ASTN1: variants seen among roughly 807,000 people sequenced by gnomAD.
ASTN1 encodes the protein astrotactin-1.
A neutral mutation model predicts 140.7 loss-of-function variants in ASTN1; 41 were observed. That is an observed-to-expected ratio of 0.29 (90% CI 0.23 to 0.38). ASTN1 has a LOEUF of 0.38. Ranked by LOEUF, ASTN1 falls within the 10% of genes least tolerant of loss-of-function variation. The probability of loss-of-function intolerance (pLI) is 1.00; values close to 1 mark genes in which losing one functional copy is unlikely to be tolerated. For synonymous variants in ASTN1, 640 were observed against 652.2 expected, an observed-to-expected ratio of 0.98 and a Z score of 0.29; for missense variants, 1,479 against 1,678.8, an observed-to-expected ratio of 0.88 and a Z score of 2.08.
At chr1:176,970,487 C>T (rs1407260622) in intron 8 of ASTN1, among the ~76,000 whole-genome samples, 2 of 152,072 alleles carry the variant, frequency 1.3e-5, no homozygotes, top group East Asian at 3.9e-4. Context: ...AAGCTGTTGG[C>T]CAGCATGTCT....
chr1:176,882,756 G>A, intron 20 of ASTN1, 103 bp downstream of exon 20: 3 of 1,469,146 alleles, frequency 2.0e-6, no homozygotes, highest in Non-Finnish European at 2.8e-6. Context: ...GACTCAACAT[G>A]TTTTGCTGAG....
At chr1:176,883,568 G>C (rs916020351) in intron 19 of ASTN1, among the ~76,000 whole-genome samples, 1 of 152,196 alleles carries the variant, frequency 6.6e-6, no homozygotes, top group Non-Finnish European at 1.5e-5. Flanking sequence ...CCGTACCTCA[G>C]CAATACCTGT....
intron 11 of ASTN1, among the ~76,000 whole-genome samples, chr1:176,957,224 C>T (rs1672445253): frequency 6.6e-6 from 1 of 152,022 alleles, no homozygotes; most frequent in South Asian, 2.1e-4. Flanking sequence ...GGGCTGATAA[C>T]GAAGTACTTT....
chr1:176,869,139 GTAGATCA>G, intron 21 of ASTN1, 112 bp from the exon 22 acceptor site: 2 of 706,076 alleles, frequency 2.8e-6, no homozygotes, highest in Non-Finnish European at 4.1e-6. Flanking sequence ...ATAAACATAT[GTAGATCA>G]TTTATAATGT....
intron 7 of ASTN1, among the ~76,000 whole-genome samples, chr1:177,015,716 T>C (rs779004762): frequency 6.6e-6 from 1 of 152,074 alleles, no homozygotes; most frequent in Non-Finnish European, 1.5e-5. Context: ...TGAGGCAGGG[T>C]CCCATAACAT....
chr1:177,077,547 T>G (rs973303398), intron 1 of ASTN1, among the ~76,000 whole-genome samples: 4 of 152,228 alleles, frequency 2.6e-5, no homozygotes, highest in African/African-American at 7.2e-5. Context: ...AAGCTCTAAA[T>G]TCAGTGTCTC....
intron 1 of ASTN1, among the ~76,000 whole-genome samples, chr1:177,107,390 G>A (rs1251739238): frequency 1.3e-5 from 2 of 152,178 alleles, no homozygotes; most frequent in Non-Finnish European, 2.9e-5. Context: ...GATAAATGTG[G>A]TGGCACCAAA....
intron 16 of ASTN1, 104 bp from the exon 17 acceptor site, chr1:176,894,934 A>C (rs1571471485): frequency 8.9e-5 from 132 of 1,476,034 alleles, no homozygotes; most frequent in African/African-American, 1.4e-5. Flanking sequence ...GGGATCAGAA[A>C]CAGCCACTGA....
chr1:177,008,338 T>C (rs972290869), intron 8 of ASTN1, among the ~76,000 whole-genome samples: 2 of 151,508 alleles, frequency 1.3e-5, no homozygotes, highest in Admixed American at 1.3e-4. Context: ...GGTAGTGGCA[T>C]TTTCATTGAC....
intron 1 of ASTN1, among the ~76,000 whole-genome samples, chr1:177,158,106 G>A (rs1462141534): frequency 6.6e-6 from 1 of 152,164 alleles, no homozygotes; most frequent in East Asian, 1.9e-4. Context: ...AACTGCAAAA[G>A]CATCAGGCAT....
chr1:176,885,627 G>C (rs529335538), intron 18 of ASTN1, among the ~76,000 whole-genome samples: 31 of 151,940 alleles, frequency 2.0e-4, no homozygotes, highest in Non-Finnish European at 4.0e-4. Flanking sequence ...GGTGCCTGTC[G>C]GTCGTCTCAA....
chr1:176,882,843 GGT>G lies in ASTN1; in HGVS notation c.3362+14_3362+15del, dbSNP rs754179583. The G allele has an allele frequency of 6.2e-7, 1 of 1,614,044 alleles. No individual in the cohort carries two copies. Among genetic ancestry groups the G allele is most frequent in the African/African-American group, 1.3e-5 (1 of 75,026 alleles). ...TGTCAGGGTAAGAAGTCACTAGGTA[GGT>G]GTGTGTTACTCACATGTAAATGGTG... On this transcript the variant is annotated intron_variant, in intron 20 of 22. Transcript: ENST00000361833.
chr1:177,093,785 T>A (rs947885798), intron 1 of ASTN1, among the ~76,000 whole-genome samples: 2 of 152,224 alleles, frequency 1.3e-5, no homozygotes, highest in Non-Finnish European at 2.9e-5. Flanking sequence ...TTCAATCATT[T>A]CCCATTGATT....
intron 16 of ASTN1, among the ~76,000 whole-genome samples, chr1:176,923,145 C>T (rs910679489): frequency 2.0e-5 from 3 of 152,160 alleles, no homozygotes; most frequent in Admixed American, 2.0e-4. Flanking sequence ...CAAACAACTA[C>T]ATTCAACTAC....
chr1:177,090,359 T>G (rs1448070675), intron 1 of ASTN1, among the ~76,000 whole-genome samples: 1 of 152,052 alleles, frequency 6.6e-6, no homozygotes, highest in African/African-American at 2.4e-5. Flanking sequence ...TTACAAACAT[T>G]ATATCATTTA....
rs574952065 is a variant in ASTN1, at chr1:176,954,264, C to T, written c.1887+3414G>A. Among the ~76,000 whole-genome samples, 5 of 152,208 alleles carry T rather than the reference C, an allele frequency of 3.3e-5. No individual in the cohort carries two copies. The South Asian group carries it at 1.0e-3, about 32-fold the overall frequency. ...TATCTAGGTGGGCTCAATGTAATCA[C>T]AAGAGTCCTTGAAAGCAGAAAGAGG... On this transcript the variant is annotated intron_variant, in intron 11 of 22. Transcript: ENST00000361833.
intron 8 of ASTN1, among the ~76,000 whole-genome samples, chr1:176,993,862 T>C (rs1330332825): frequency 6.6e-6 from 1 of 152,222 alleles, no homozygotes; most frequent in Non-Finnish European, 1.5e-5. Context: ...AACTTTCTTA[T>C]ATTTGACTCT....
At chr1:177,144,607 G>A (rs996040069) in intron 1 of ASTN1, among the ~76,000 whole-genome samples, 3 of 147,678 alleles carry the variant, frequency 2.0e-5, no homozygotes, top group Non-Finnish European at 3.0e-5. Context: ...CTAGATAACA[G>A]CCCCAGTGGT....
At position 176,894,805 on chromosome 1, in the gene ASTN1, C is replaced by T. The variant is rs1571471084; in HGVS notation, c.2697G>A (p.Glu899=). 6.2e-7 allele frequency: 1 copy of T among 1,614,026 alleles called. No individual in the cohort carries two copies. The highest frequency in any genetic ancestry group is 2.2e-5 in the East Asian group (1 of 44,888). Reference sequence around the variant, plus strand: ...GCACCTTGGGGTCTCTTTCCCGCTCCTCAGACTCATCTGATGGGGAGTTGC... The same window carrying T: ...GCACCTTGGGGTCTCTTTCCCGCTCTTCAGACTCATCTGATGGGGAGTTGC... ...SKGNSPSDES[E]ERERDPKVLT... is the part of the protein sequence containing the mutation. The change falls in exon 17 of 23, where the codon GAG becomes GAA. Residue 899 remains glutamate, a synonymous_variant. Transcript: ENST00000361833.
Sources: gnomAD v4.1 joint callset for allele counts (sites outside exome capture counted in the v4.1 genomes callset) on GRCh38, gnomAD v4.1.1 for gene constraint, MANE v1.5 for transcripts, NCBI Gene and HGNC (gene_info 2026-07-23, HGNC 2026-07-21) for gene names.